The following PLEKHG1 variants were observed in gnomAD, a reference collection of about 807,000 sequenced individuals.
The protein encoded by PLEKHG1 is pleckstrin homology and RhoGEF domain containing G1.
A neutral mutation model predicts 100.8 loss-of-function variants in PLEKHG1; 44 were observed. That is an observed-to-expected ratio of 0.44 (90% CI 0.34 to 0.56). PLEKHG1 has a LOEUF of 0.56. Ranked by LOEUF, PLEKHG1 falls within the 20% of genes least tolerant of loss-of-function variation. The pLI, the probability that PLEKHG1 is intolerant of heterozygous loss-of-function variation, is 0.01. For missense variants in PLEKHG1, 1,545 were observed against 1,720.9 expected, an observed-to-expected ratio of 0.90 and a Z score of 1.81; for synonymous variants, 640 against 662.5, an observed-to-expected ratio of 0.97 and a Z score of 0.52.
chr6:150,647,209 A>G (rs191463992), intron 2 of PLEKHG1, among the ~76,000 whole-genome samples: 3 of 152,344 alleles, frequency 2.0e-5, no homozygotes, highest in Non-Finnish European at 4.4e-5. Flanking sequence ...TCAGACCATT[A>G]AAAGCCACTT....
At chr6:150,657,002 G>C (rs1422740545) in intron 3 of PLEKHG1, among the ~76,000 whole-genome samples, 1 of 152,124 alleles carries the variant, frequency 6.6e-6, no homozygotes, top group African/African-American at 2.4e-5. Context: ...AAAAGTGATA[G>C]GGTATCCCAA....
Position 150,698,492 on chromosome 6 carries a change from C to T in PLEKHG1, c.-98-35092C>T, listed in dbSNP as rs1026489804. 3.3e-4 allele frequency among the ~76,000 whole-genome samples: 16 copies of T among 47,892 alleles called. 1 individual carries two copies. The highest frequency in any genetic ancestry group is 9.3e-3 in the Middle Eastern group (1 of 108). 31.4% of individuals were successfully genotyped at this position (47,892 alleles called of 152,430 possible). A position where few individuals can be genotyped will look rare whatever the true frequency, so the allele number is the denominator to read the frequency against. ...AACCTGATTGCGTGTGTATACAATA[C>T]TATATATACACACACACGTACATGA... On this transcript the variant is annotated intron_variant, in intron 3 of 3. Transcript: ENST00000367326.
chr6:150,716,560 C>T (rs915496031), upstream of PLEKHG1, among the ~76,000 whole-genome samples: 2 of 152,136 alleles, frequency 1.3e-5, no homozygotes, highest in African/African-American at 2.4e-5. Context: ...TGCCTGGCTG[C>T]ACAGTTCAGC....
At chr6:150,710,678 A>T (rs1320379435) in intron 3 of PLEKHG1, among the ~76,000 whole-genome samples, 2 of 152,122 alleles carry the variant, frequency 1.3e-5, no homozygotes, top group African/African-American at 4.8e-5. Flanking sequence ...ATTTGCAAAC[A>T]AGATTGCCCA....
At position 150,634,071 on chromosome 6, in the gene PLEKHG1, G is replaced by A. The variant is rs561192623; in HGVS notation, c.-203-4009G>A. ...AGCCTGACCTACATAGAGAAACCCCGTCTCTACTAACAACAACAAAAAAAA... is the reference window on the plus strand; with the variant it reads ...AGCCTGACCTACATAGAGAAACCCCATCTCTACTAACAACAACAAAAAAAA... On this transcript the variant is annotated intron_variant, in intron 1 of 3. Coordinates refer to the PLEKHG1 transcript ENST00000367326. 4.0e-5 allele frequency among the ~76,000 whole-genome samples: 6 copies of A among 150,986 alleles called. No individual in the cohort carries two copies. The East Asian group carries it at 7.8e-4, about 20-fold the overall frequency.
chr6:150,698,793 C>T (rs1039150285), intron 3 of PLEKHG1, among the ~76,000 whole-genome samples: 10 of 152,164 alleles, frequency 6.6e-5, no homozygotes, highest in African/African-American at 1.9e-4. Flanking sequence ...CTTTAAAAGA[C>T]GCTAAGTGTC....
chr6:150,827,906 G>A lies in PLEKHG1; in HGVS notation c.1471-2676G>A, dbSNP rs878953702. 3.8e-6 allele frequency: 6 copies of A among 1,569,416 alleles called. No homozygotes were observed. The South Asian group carries it at 5.6e-5, about 15-fold the overall frequency. ...TGTACAGACAGCAGAGACTGGCTGA[G>A]TGGAAAGCAACTAAACTGAAGAATA... On this transcript the variant is annotated intron_variant, in intron 14 of 15. Coordinates refer to ENST00000358517, the Ensembl canonical transcript of PLEKHG1.
chr6:150,730,537 C>T (rs1047160764), intron 1 of PLEKHG1, among the ~76,000 whole-genome samples: 3 of 152,124 alleles, frequency 2.0e-5, no homozygotes, highest in Non-Finnish European at 2.9e-5. Context: ...CTCGCTTGCC[C>T]ATCGCTCACT....
intron 6 of PLEKHG1, among the ~76,000 whole-genome samples, chr6:150,803,974 A>G (rs895446316): frequency 9.9e-5 from 15 of 151,122 alleles, no homozygotes; most frequent in African/African-American, 3.6e-4. Flanking sequence ...TATAATAACT[A>G]TAATATCGCT....
chr6:150,832,963 C>T (rs1777032377), intron 15 of PLEKHG1, among the ~76,000 whole-genome samples: 1 of 151,892 alleles, frequency 6.6e-6, no homozygotes, highest in Non-Finnish European at 1.5e-5. Context: ...AGGTGTGAGC[C>T]ACCACGCCAG....
chr6:150,626,415 C>T (rs1031466280), intron 1 of PLEKHG1, among the ~76,000 whole-genome samples: 14 of 152,258 alleles, frequency 9.2e-5, no homozygotes, highest in Admixed American at 3.9e-4. Context: ...GTTCCATTGA[C>T]GCCTCGGGAT....
intron 3 of PLEKHG1, among the ~76,000 whole-genome samples, chr6:150,685,510 G>T (rs1436389075): frequency 1.3e-5 from 2 of 152,230 alleles, no homozygotes; most frequent in African/African-American, 4.8e-5. Flanking sequence ...GCCCCTCTGA[G>T]ATGGTGCTGC....
At chr6:150,661,751 G>C (rs1244038263) in intron 3 of PLEKHG1, among the ~76,000 whole-genome samples, 1 of 152,158 alleles carries the variant, frequency 6.6e-6, no homozygotes, top group Non-Finnish European at 1.5e-5. Flanking sequence ...AAACTATAGT[G>C]ATATGGAAAT....
intron 2 of PLEKHG1, among the ~76,000 whole-genome samples, chr6:150,647,625 C>T (rs772632178): frequency 2.0e-5 from 3 of 152,098 alleles, no homozygotes; most frequent in Non-Finnish European, 4.4e-5. Context: ...GAAGTGCAGT[C>T]AGCATTTTCT....
At chr6:150,839,856 C>A (rs905377965) in exon 16 of PLEKHG1, 5 of 1,610,860 alleles carry the variant, frequency 3.1e-6, no homozygotes, top group Non-Finnish European at 4.2e-6. Flanking sequence ...TGAGTATTCC[C>A]AGTTGTATGA....
intron 3 of PLEKHG1, among the ~76,000 whole-genome samples, chr6:150,709,323 A>G (rs1781157735): frequency 6.6e-6 from 1 of 152,234 alleles, no homozygotes; most frequent in Non-Finnish European, 1.5e-5. Flanking sequence ...CGACAGAGCG[A>G]GACTCCATCT....
intron 10 of PLEKHG1, among the ~76,000 whole-genome samples, chr6:150,811,283 T>C (rs1286131462): frequency 6.6e-6 from 1 of 151,576 alleles, no homozygotes; most frequent in Non-Finnish European, 1.5e-5. Context: ...GTTTTTTTTT[T>C]TTTAAAGACA....
intron 3 of PLEKHG1, among the ~76,000 whole-genome samples, chr6:150,708,393 C>A (rs576633803): frequency 2.0e-5 from 3 of 152,318 alleles, no homozygotes; most frequent in African/African-American, 7.2e-5. Context: ...CCCAGCCCCA[C>A]CTTCATTCCC....
At chr6:150,733,533 G>A in intron 1 of PLEKHG1, 51 bp from the exon 3 acceptor site, 1 of 1,471,668 alleles carries the variant, frequency 6.8e-7, no homozygotes, top group Non-Finnish European at 9.1e-7. Context: ...TCAACCCTCT[G>A]CTTGATAGAA....
Sources: allele counts gnomAD v4.1 joint callset (sites outside exome capture counted in the v4.1 genomes callset), GRCh38; gene constraint gnomAD v4.1.1; transcripts MANE v1.5; gene names NCBI Gene and HGNC (gene_info 2026-07-23, HGNC 2026-07-21).